TASP1: variants seen among roughly 807,000 people sequenced by gnomAD.
The protein encoded by TASP1 is threonine aspartase 1.
In TASP1, 16 loss-of-function variants were observed where a neutral mutation model predicts 56.6. The ratio of observed to expected loss-of-function variants is 0.28; its 90% CI spans 0.19 to 0.43. The LOEUF (loss-of-function observed/expected upper bound fraction) is 0.43. Among genes scored for constraint, TASP1 ranks in the 20% least tolerant of loss-of-function variants. The pLI is 1.00. For missense variants in TASP1, 393 were observed against 511.6 expected, an observed-to-expected ratio of 0.77 and a Z score of 2.24; for synonymous variants, 179 against 184.2, an observed-to-expected ratio of 0.97 and a Z score of 0.23.
rs2043701121 is a variant in TASP1, at chr20:13,453,394, C to T, written c.986-18240G>A. Reference sequence around the variant, plus strand: ...GGATCTACTTAGCATGTTGATGACACAATGGTCACATTAATCAGGGAGTTA... The same window carrying T: ...GGATCTACTTAGCATGTTGATGACATAATGGTCACATTAATCAGGGAGTTA... On this transcript the variant is annotated intron_variant, in intron 11 of 13. Coordinates refer to ENST00000337743, the MANE Select transcript of TASP1 (RefSeq NM_017714.3). Among the ~76,000 whole-genome samples the T allele has an allele frequency of 2.6e-5, 4 of 152,202 alleles. 1 individual carries two copies. The South Asian group carries it at 8.3e-4, about 32-fold the overall frequency.
intron 13 of TASP1, among the ~76,000 whole-genome samples, chr20:13,394,868 G>C (rs959406233): frequency 1.3e-5 from 2 of 152,160 alleles, no homozygotes; most frequent in African/African-American, 4.8e-5. Context: ...ACTGTTCAAA[G>C]CCAATATTAG....
Position 13,412,245 on chromosome 20 carries a change from A to G in TASP1, c.1170+5203T>C, listed in dbSNP as rs540277195. Among the ~76,000 whole-genome samples the G allele has an allele frequency of 8.5e-5, 13 of 152,282 alleles. 1 individual carries two copies. In the East Asian group the frequency reaches 2.5e-3, roughly 29 times the overall value. On this transcript the variant is annotated intron_variant, in intron 13 of 13. Coordinates refer to ENST00000337743, the MANE Select transcript of TASP1 (RefSeq NM_017714.3). ...CACACCAGCTCACACACGGCCATAA[A>G]GATTTCATTAAAAATTTGGCTGATT... is the stretch of plus-strand genomic sequence containing the variant.
intron 10 of TASP1, among the ~76,000 whole-genome samples, 196 bp downstream of exon 10, chr20:13,528,237 A>AAAAAAAAG (rs1568548607): frequency 7.3e-5 from 11 of 150,212 alleles, no homozygotes; most frequent in Non-Finnish European, 5.9e-5. Context: ...AAAAAAAAAA[A>AAAAAAAAG]AAAAAAAGAA....
intron 11 of TASP1, among the ~76,000 whole-genome samples, chr20:13,457,850 T>TTATATGGAA (rs2043904031): frequency 6.6e-6 from 1 of 152,118 alleles, no homozygotes; most frequent in Admixed American, 6.6e-5. Context: ...ATAAGCAGGG[T>TTATATGGAA]CTGTTATGGA....
In TASP1 at chr20:13,489,244, G is replaced by A. The variant is rs201259493; in HGVS notation, c.875-5907C>T. Among the ~76,000 whole-genome samples the A allele has an allele frequency of 8.5e-5, 13 of 152,218 alleles. No individual in the cohort carries two copies. The East Asian group carries it at 2.3e-3, about 27-fold the overall frequency. On this transcript the variant is annotated intron_variant, in intron 10 of 13. Coordinates refer to ENST00000337743, the MANE Select transcript of TASP1 (RefSeq NM_017714.3). ...GGCCACCCTGCTGTTCCAGAAGGCT[G>A]TTTTACCACCTTAGCCTGAAAGTGA...
intron 11 of TASP1, among the ~76,000 whole-genome samples, chr20:13,482,297 A>T (rs899389137): frequency 6.6e-5 from 10 of 152,112 alleles, no homozygotes; most frequent in African/African-American, 2.2e-4. Context: ...TGCCAGTCCC[A>T]TGCCATTTTG....
chr20:13,367,093 G>T, the TASP1 span, among the ~76,000 whole-genome samples: 1 of 152,118 alleles, frequency 6.6e-6, no homozygotes, highest in Non-Finnish European at 1.5e-5. Context: ...TAAATATTTA[G>T]CTAGGCAATA....
chr20:13,270,337 A>G, the TASP1 span, among the ~76,000 whole-genome samples: 1 of 152,250 alleles, frequency 6.6e-6, no homozygotes, highest in East Asian at 1.9e-4. Context: ...GGCTTTTAAG[A>G]CATGAAGAAA....
At chr20:13,411,692 A>G (rs1024656187) in intron 13 of TASP1, among the ~76,000 whole-genome samples, 8 of 152,194 alleles carry the variant, frequency 5.3e-5, no homozygotes, top group African/African-American at 1.9e-4. Flanking sequence ...GAAACTCTAG[A>G]GAATTCTCCA....
intron 11 of TASP1, among the ~76,000 whole-genome samples, chr20:13,443,476 G>T (rs757510624): frequency 7.2e-4 from 110 of 152,240 alleles, no homozygotes; most frequent in Non-Finnish European, 1.4e-3. Flanking sequence ...AAAGAAGTAA[G>T]AAAGAAGATC....
chr20:13,421,518 C>T (rs921033293), intron 12 of TASP1, among the ~76,000 whole-genome samples: 1 of 151,882 alleles, frequency 6.6e-6, no homozygotes, highest in African/African-American at 2.4e-5. Flanking sequence ...ATCAATGAGA[C>T]AAATATCCAA....
At chr20:13,435,619 C>T (rs2042974577) in intron 11 of TASP1, among the ~76,000 whole-genome samples, 1 of 152,142 alleles carries the variant, frequency 6.6e-6, no homozygotes. Flanking sequence ...TTTTTAAATG[C>T]TTCTGATGGT....
chr20:13,453,053 T>C (rs2043682881), intron 11 of TASP1, among the ~76,000 whole-genome samples: 1 of 151,934 alleles, frequency 6.6e-6, no homozygotes, highest in Non-Finnish European at 1.5e-5. Context: ...AAGGAACTAA[T>C]GATTAACGAA....
At chr20:13,362,032 T>A in the TASP1 span, among the ~76,000 whole-genome samples, 1 of 148,722 alleles carries the variant, frequency 6.7e-6, no homozygotes, top group East Asian at 2.0e-4. Context: ...TCTTCTAACA[T>A]CCCCACAATA....
chr20:13,123,342 A>AAT, the TASP1 span, among the ~76,000 whole-genome samples: 1 of 151,474 alleles, frequency 6.6e-6, no homozygotes, highest in South Asian at 2.1e-4. Context: ...AAAAAAAAAA[A>AAT]GTCACCAACT....
chr20:13,509,625 CT>C (rs1458927754), intron 10 of TASP1, among the ~76,000 whole-genome samples: 1 of 151,714 alleles, frequency 6.6e-6, no homozygotes, highest in Non-Finnish European at 1.5e-5. Context: ...AATTCTTTTC[CT>C]GTTTTTGTTT....
intron 4 of TASP1, among the ~76,000 whole-genome samples, chr20:13,596,897 A>G (rs1156596701): frequency 1.3e-5 from 2 of 152,260 alleles, no homozygotes; most frequent in African/African-American, 4.8e-5. Flanking sequence ...AGAGAATACT[A>G]TAAACAACTC....
chr20:13,251,732 G>T, the TASP1 span, among the ~76,000 whole-genome samples: 6,173 of 152,294 alleles, frequency 0.041, 190 homozygotes, highest in African/African-American at 0.079. Flanking sequence ...AAGTCAGGAT[G>T]TTGAAAGAAG....
At chr20:13,590,638 C>T (rs565405447) in intron 4 of TASP1, among the ~76,000 whole-genome samples, 5 of 152,134 alleles carry the variant, frequency 3.3e-5, no homozygotes, top group East Asian at 1.9e-4. Flanking sequence ...GAGGCCAAGG[C>T]GGGAGGATTA....
Sources: allele counts gnomAD v4.1 joint callset (sites outside exome capture counted in the v4.1 genomes callset), GRCh38; gene constraint gnomAD v4.1.1; transcripts MANE v1.5; gene names NCBI Gene and HGNC (gene_info 2026-07-23, HGNC 2026-07-21).